The following CDH4 variants were observed in gnomAD, a reference collection of about 807,000 sequenced individuals.
CDH4 encodes the protein cadherin-4.
CDH4 carries 33 observed loss-of-function variants against 86.0 expected under a neutral mutation model. The observed-to-expected ratio is 0.38, with a 90% CI of 0.29 to 0.51. The LOEUF (loss-of-function observed/expected upper bound fraction) is 0.51, where lower values mean the gene tolerates loss of function less well. CDH4 is among the 20% of genes least tolerant of loss of function. CDH4 has a pLI of 0.86. For missense variants in CDH4, 1,114 were observed against 1,307.4 expected, an observed-to-expected ratio of 0.85 and a Z score of 2.28; for synonymous variants, 555 against 549.4, an observed-to-expected ratio of 1.01 and a Z score of -0.14.
At chr20:61,286,796 G>A (rs1183791175) in intron 2 of CDH4, among the ~76,000 whole-genome samples, 1 of 152,212 alleles carries the variant, frequency 6.6e-6, no homozygotes, top group Non-Finnish European at 1.5e-5. Flanking sequence ...TTCCTATTCT[G>A]TGAGCACTCA....
Position 61,269,012 on chromosome 20 carries a change from A to G in CDH4, c.169+14075A>G, listed in dbSNP as rs189683650. On this transcript the variant is annotated intron_variant, in intron 2 of 15. Coordinates refer to ENST00000614565, the MANE Select transcript of CDH4 (RefSeq NM_001794.5). The surrounding 1 kb of genome is among the most constrained non-coding windows in gnomAD (Gnocchi z 5.3). ...AAATGTGATGAGGAGTGTTGCGCAG[A>G]CACCTTGGGTGAGCATCAGAACCCC... Among the ~76,000 whole-genome samples, 583 of 152,286 alleles carry G rather than the reference A, an allele frequency of 3.8e-3. 4 individuals carry two copies. The highest frequency in any genetic ancestry group is 0.017 in the Middle Eastern group (5 of 294).
At chr20:61,307,850 G>A (rs896785081) in intron 2 of CDH4, among the ~76,000 whole-genome samples, 7 of 152,200 alleles carry the variant, frequency 4.6e-5, no homozygotes, top group African/African-American at 1.2e-4. Context: ...CTCCACCCAC[G>A]GGGACAAGTC....
rs185059670 is a variant in CDH4 at position 61,309,434 on chromosome 20, A to C, written c.169+54497A>C. 1.9e-4 allele frequency among the ~76,000 whole-genome samples: 26 copies of C among 133,454 alleles called. No homozygotes were observed. In the East Asian group the frequency reaches 5.6e-3, roughly 29 times the overall value. The allele number at this position is 133,454 out of a possible 152,430, so 87.6% of individuals were successfully genotyped here. A position where few individuals can be genotyped will look rare whatever the true frequency, so the allele number is the denominator to read the frequency against. ...AGTTTCCAGAACCATGCAGGTATGC[A>C]TAGAGGTGCTCAGCTGTCTTCCTCG... On this transcript the variant is annotated intron_variant, in intron 2 of 15. Coordinates refer to ENST00000614565, the MANE Select transcript of CDH4 (RefSeq NM_001794.5).
At chr20:61,609,004 C>G (rs1212687680) in intron 2 of CDH4, among the ~76,000 whole-genome samples, 1 of 152,206 alleles carries the variant, frequency 6.6e-6, no homozygotes, top group Non-Finnish European at 1.5e-5. Flanking sequence ...TGGGGAAGCA[C>G]AAGACCCTGA....
chr20:61,526,176 CT>C (rs1218956856), intron 2 of CDH4, among the ~76,000 whole-genome samples: 176 of 152,106 alleles, frequency 1.2e-3, no homozygotes, highest in Middle Eastern at 0.01. Context: ...GCCCCTCCCC[CT>C]CCCCGGGTGG....
intron 2 of CDH4, among the ~76,000 whole-genome samples, chr20:61,600,335 T>A (rs2086590288): frequency 6.6e-6 from 1 of 152,200 alleles, no homozygotes; most frequent in Admixed American, 6.5e-5. Context: ...TGGCCCAGTG[T>A]CCTCTCTGCA....
chr20:61,924,745 G>A (rs1397302938), intron 11 of CDH4, among the ~76,000 whole-genome samples: 8 of 152,082 alleles, frequency 5.3e-5, no homozygotes, highest in Non-Finnish European at 1.5e-5. Context: ...GTTCGAAGGT[G>A]TGCCTGGTCT....
At chr20:61,333,091 G>A (rs550848275) in intron 2 of CDH4, among the ~76,000 whole-genome samples, 1 of 152,218 alleles carries the variant, frequency 6.6e-6, no homozygotes, top group African/African-American at 2.4e-5. Context: ...CCTGGGGTTG[G>A]TGGCAGACTT....
intron 2 of CDH4, among the ~76,000 whole-genome samples, chr20:61,557,535 G>T (rs1280450632): frequency 6.6e-6 from 1 of 152,198 alleles, no homozygotes; most frequent in Non-Finnish European, 1.5e-5. Context: ...CAGACTTCTG[G>T]TATAGATTAA....
chr20:61,552,851 G>A (rs1407247866), intron 2 of CDH4, among the ~76,000 whole-genome samples: 4 of 142,892 alleles, frequency 2.8e-5, no homozygotes, highest in South Asian at 2.3e-4. Flanking sequence ...GTAAAATGGT[G>A]CAGCCACTGT....
intron 2 of CDH4, among the ~76,000 whole-genome samples, chr20:61,287,811 T>C (rs1174548333): frequency 6.6e-6 from 1 of 152,076 alleles, no homozygotes; most frequent in Non-Finnish European, 1.5e-5. Flanking sequence ...GCATCCATTG[T>C]GGGAATAAGA....
intron 2 of CDH4, among the ~76,000 whole-genome samples, chr20:61,593,249 A>G (rs964457445): frequency 6.6e-6 from 1 of 152,226 alleles, no homozygotes; most frequent in Admixed American, 6.5e-5. Flanking sequence ...GCCTGGGCTG[A>G]TGCACACAGG....
chr20:61,803,194 CT>C (rs1979929062), intron 4 of CDH4, among the ~76,000 whole-genome samples: 1 of 151,946 alleles, frequency 6.6e-6, no homozygotes, highest in African/African-American at 2.4e-5. Flanking sequence ...TGTGGACGGG[CT>C]GAGGTCTTCC....
intron 2 of CDH4, among the ~76,000 whole-genome samples, chr20:61,443,950 G>GAC (rs1480864580): frequency 1.9e-5 from 2 of 106,994 alleles, no homozygotes; most frequent in African/African-American, 9.0e-5. Context: ...ATATCTGTGT[G>GAC]TGTGTCTGTG....
intron 2 of CDH4, among the ~76,000 whole-genome samples, chr20:61,648,537 G>A (rs1158501023): frequency 2.0e-5 from 3 of 152,188 alleles, no homozygotes; most frequent in African/African-American, 4.8e-5. Flanking sequence ...ATGGGGTGGG[G>A]ATTTGGAAGT....
At chr20:61,919,615 C>T (rs2054944012) in intron 9 of CDH4, among the ~76,000 whole-genome samples, 2 of 152,268 alleles carry the variant, frequency 1.3e-5, no homozygotes, top group African/African-American at 4.8e-5. Flanking sequence ...ATTGATTCCT[C>T]CAGCAGATAA....
At chr20:61,449,405 C>T (rs951682287) in intron 2 of CDH4, among the ~76,000 whole-genome samples, 1 of 152,238 alleles carries the variant, frequency 6.6e-6, no homozygotes, top group African/African-American at 2.4e-5. Flanking sequence ...CTCTTCCCGG[C>T]AGCTCCACTC....
At chr20:61,816,788 A>C (rs1304490482) in intron 4 of CDH4, among the ~76,000 whole-genome samples, 5 of 152,128 alleles carry the variant, frequency 3.3e-5, no homozygotes, top group Non-Finnish European at 7.4e-5. Flanking sequence ...CTGCTGACAC[A>C]GAGCTGGGCC....
chr20:61,653,909 C>T (rs150769910), intron 2 of CDH4, among the ~76,000 whole-genome samples: 2,468 of 122,208 alleles, frequency 0.02, 131 homozygotes, highest in African/African-American at 0.035. Context: ...GATGGGATGG[C>T]GGCCGCGCAG....
Sources: allele counts gnomAD v4.1 joint callset (sites outside exome capture counted in the v4.1 genomes callset), GRCh38; gene constraint gnomAD v4.1.1; non-coding constraint Gnocchi (gnomAD v3.1); transcripts MANE v1.5; gene names NCBI Gene and HGNC (gene_info 2026-07-23, HGNC 2026-07-21).